Variants in ITPR2 observed in about 807,000 individuals in gnomAD.
The protein encoded by ITPR2 is inositol 1,4,5-trisphosphate-gated calcium channel ITPR2.
Under a neutral mutation model 317.1 loss-of-function variants are expected in ITPR2, and 207 were observed. That is an observed-to-expected ratio of 0.65 (90% CI 0.58 to 0.73). ITPR2 has a LOEUF of 0.73. ITPR2 is among the 30% of genes least tolerant of loss of function. The probability of loss-of-function intolerance (pLI) is 0.00; values close to 1 mark genes in which losing one functional copy is unlikely to be tolerated. For missense variants in ITPR2, 2,613 were observed against 3,284.0 expected, an observed-to-expected ratio of 0.80 and a Z score of 4.99; for synonymous variants, 1,156 against 1,149.1, an observed-to-expected ratio of 1.01 and a Z score of -0.12.
At chr12:26,694,727 G>A (rs1948305005) in intron 10 of ITPR2, among the ~76,000 whole-genome samples, 1 of 152,180 alleles carries the variant, frequency 6.6e-6, no homozygotes, top group Non-Finnish European at 1.5e-5. Context: ...GGGCAGCCAT[G>A]TGAAAACCAA....
At chr12:26,786,435 C>A in intron 2 of ITPR2, among the ~76,000 whole-genome samples, 1 of 71,718 alleles carries the variant, frequency 1.4e-5, no homozygotes, top group African/African-American at 6.0e-5. Flanking sequence ...CGAGAAACAC[C>A]CAAGAATGAT....
chr12:26,671,314 C>T (rs1947765062), intron 13 of ITPR2, among the ~76,000 whole-genome samples: 1 of 152,020 alleles, frequency 6.6e-6, no homozygotes, highest in Admixed American at 6.5e-5. Context: ...GTTGGGTTAC[C>T]CACAAAGGGA....
At chr12:26,629,744 TTCTCTCTC>T (rs150195472) in intron 22 of ITPR2, among the ~76,000 whole-genome samples, 4 of 150,108 alleles carry the variant, frequency 2.7e-5, no homozygotes, top group Admixed American at 2.7e-4. Flanking sequence ...CTTTCTCTTT[TTCTCTCTC>T]TCTCTCTCTC....
At position 26,568,778 on chromosome 12, in the gene ITPR2, G is replaced by A. The variant is rs16930990; in HGVS notation, c.4631-6826C>T. On this transcript the variant is annotated intron_variant, in intron 34 of 56. Transcript: ENST00000381340. ...GGAGCACAGGAAAGTGGAATGGCAG[G>A]GACAGAGAATGGCACATTTCCTGTA... Among the ~76,000 whole-genome samples the A allele has an allele frequency of 4.6e-5, 7 of 152,132 alleles. No individual in the cohort carries two copies. The East Asian group carries it at 1.2e-3, about 25-fold the overall frequency.
At chr12:26,664,059 C>T (rs1241703676) in intron 14 of ITPR2, among the ~76,000 whole-genome samples, 1 of 152,086 alleles carries the variant, frequency 6.6e-6, no homozygotes, top group African/African-American at 2.4e-5. Flanking sequence ...GTGACAAAAA[C>T]ATTCTTTAAA....
At chr12:26,757,003 C>G (rs745764458) in intron 2 of ITPR2, among the ~76,000 whole-genome samples, 1 of 152,204 alleles carries the variant, frequency 6.6e-6, no homozygotes, top group Non-Finnish European at 1.5e-5. Flanking sequence ...AGAGTGAACT[C>G]TGGTCATCCT....
chr12:26,551,753 T>C (rs1944529688), intron 36 of ITPR2, among the ~76,000 whole-genome samples: 1 of 152,156 alleles, frequency 6.6e-6, no homozygotes, highest in South Asian at 2.1e-4. Context: ...GCAAAGGGAA[T>C]GGTATGAACA....
chr12:26,697,951 T>C (rs1037331972), intron 9 of ITPR2, among the ~76,000 whole-genome samples: 1 of 151,720 alleles, frequency 6.6e-6, no homozygotes, highest in African/African-American at 2.4e-5. Context: ...TTACAGAAAA[T>C]CAGCAATGCA....
intron 13 of ITPR2, among the ~76,000 whole-genome samples, chr12:26,672,226 C>T (rs1283983458): frequency 6.6e-6 from 1 of 151,306 alleles, no homozygotes; most frequent in Non-Finnish European, 1.5e-5. Context: ...GAACTCTCCA[C>T]CCCAAATCAA....
intron 2 of ITPR2, among the ~76,000 whole-genome samples, chr12:26,754,863 G>A (rs1188037189): frequency 6.6e-6 from 1 of 152,098 alleles, no homozygotes; most frequent in Non-Finnish European, 1.5e-5. Context: ...GTTATAAAAG[G>A]TTTATTAAAA....
chr12:26,710,198 G>C (rs550198220), intron 9 of ITPR2, among the ~76,000 whole-genome samples: 1 of 152,250 alleles, frequency 6.6e-6, no homozygotes, highest in Admixed American at 6.5e-5. Context: ...CTCCAGCCTG[G>C]GCAACAGGGC....
intron 53 of ITPR2, among the ~76,000 whole-genome samples, chr12:26,399,896 T>C (rs573199681): frequency 2.6e-5 from 4 of 152,298 alleles, no homozygotes; most frequent in South Asian, 4.1e-4. Context: ...TGTAATACAA[T>C]ACACAGATTA....
At chr12:26,750,113 C>A (rs947573864) in intron 2 of ITPR2, among the ~76,000 whole-genome samples, 2 of 152,150 alleles carry the variant, frequency 1.3e-5, no homozygotes, top group African/African-American at 4.8e-5. Context: ...CATTTTATTC[C>A]AAATCAAAAG....
At chr12:26,815,954 G>T (rs551000047) in intron 1 of ITPR2, among the ~76,000 whole-genome samples, 1 of 151,872 alleles carries the variant, frequency 6.6e-6, no homozygotes, top group South Asian at 2.1e-4. Context: ...TTAGCCGGGC[G>T]TGGTGGCACA....
At chr12:26,449,069 A>G (rs886262142) in intron 45 of ITPR2, among the ~76,000 whole-genome samples, 1 of 151,262 alleles carries the variant, frequency 6.6e-6, no homozygotes, top group Non-Finnish European at 1.5e-5. Context: ...AAGGATGGAG[A>G]AAAAAAAATC....
At chr12:26,790,300 T>C in intron 1 of ITPR2, 73 bp from the exon 2 acceptor site, 1 of 1,144,842 alleles carries the variant, frequency 8.7e-7, no homozygotes, top group Non-Finnish European at 1.3e-6. Flanking sequence ...ACATGGATAT[T>C]GCATAAATAT....
At chr12:26,777,681 A>C (rs1257793306) in intron 2 of ITPR2, among the ~76,000 whole-genome samples, 1 of 139,646 alleles carries the variant, frequency 7.2e-6, no homozygotes, top group South Asian at 2.7e-4. Flanking sequence ...TGGACAAAAG[A>C]CTAATTTGAA....
At chr12:26,540,675 A>G (rs1255857987) in intron 37 of ITPR2, among the ~76,000 whole-genome samples, 1 of 152,204 alleles carries the variant, frequency 6.6e-6, no homozygotes, top group East Asian at 1.9e-4. Context: ...GAGATTTTGA[A>G]AGAGTAAAGT....
intron 2 of ITPR2, among the ~76,000 whole-genome samples, chr12:26,732,084 G>C (rs925209135): frequency 3.9e-5 from 6 of 152,196 alleles, no homozygotes; most frequent in Non-Finnish European, 7.3e-5. Context: ...GTGTCCTCTA[G>C]AATGCTATGA....
Sources: allele counts gnomAD v4.1 joint callset (sites outside exome capture counted in the v4.1 genomes callset), GRCh38; gene constraint gnomAD v4.1.1; transcripts MANE v1.5; gene names NCBI Gene and HGNC (gene_info 2026-07-23, HGNC 2026-07-21).